Variants in TENM3 observed in about 807,000 individuals in gnomAD.
The protein encoded by TENM3 is teneurin-3.
A neutral mutation model predicts 255.1 loss-of-function variants in TENM3; 63 were observed. The ratio of observed to expected loss-of-function variants is 0.25; its 90% CI spans 0.20 to 0.30. TENM3 has a LOEUF of 0.30. Among genes scored for constraint, TENM3 ranks in the 10% least tolerant of loss-of-function variants. TENM3 has a pLI of 1.00. For missense variants in TENM3, 2,929 were observed against 3,461.1 expected, an observed-to-expected ratio of 0.85 and a Z score of 3.86; for synonymous variants, 1,306 against 1,322.3, an observed-to-expected ratio of 0.99 and a Z score of 0.27.
chr4:182,464,213 A>G (rs965459564), intron 3 of TENM3, among the ~76,000 whole-genome samples: 1 of 144,372 alleles, frequency 6.9e-6, no homozygotes, highest in Non-Finnish European at 1.5e-5. Flanking sequence ...GAGTCAAAGA[A>G]GTCGATATTA....
chr4:181,564,175 G>A, the TENM3 span, among the ~76,000 whole-genome samples: 2 of 151,408 alleles, frequency 1.3e-5, no homozygotes, highest in Admixed American at 6.6e-5. Flanking sequence ...CAAGTAGCTG[G>A]GACAAACACC....
the TENM3 span, among the ~76,000 whole-genome samples, chr4:181,667,497 G>A: frequency 6.6e-6 from 1 of 152,118 alleles, no homozygotes; most frequent in Non-Finnish European, 1.5e-5. Flanking sequence ...TTAAAAAGTG[G>A]TTTGGCCACA....
chr4:181,834,717 A>G, the TENM3 span: 2 of 152,250 alleles, frequency 1.3e-5, no homozygotes, highest in African/African-American at 4.8e-5. Flanking sequence ...GCACGTGTTT[A>G]TCCTTTTGAT....
At chr4:182,509,605 A>G (rs1258701237) in intron 3 of TENM3, among the ~76,000 whole-genome samples, 2 of 152,208 alleles carry the variant, frequency 1.3e-5, no homozygotes, top group African/African-American at 4.8e-5. Context: ...GCCGTGTCTA[A>G]GAACAAGAAG....
the TENM3 span, among the ~76,000 whole-genome samples, chr4:181,523,577 G>T: frequency 2.6e-5 from 4 of 152,068 alleles, no homozygotes; most frequent in African/African-American, 4.8e-5. Context: ...CAGAAAATGG[G>T]ATTGTACATT....
the TENM3 span, among the ~76,000 whole-genome samples, chr4:181,902,085 A>G: frequency 2.7e-4 from 40 of 149,100 alleles, no homozygotes; most frequent in African/African-American, 8.2e-4. Flanking sequence ...TATGTTCTCA[A>G]TAAAGAGGTA....
intron 1 of TENM3, among the ~76,000 whole-genome samples, chr4:182,233,220 G>A (rs927469898): frequency 1.3e-5 from 2 of 152,092 alleles, no homozygotes; most frequent in Non-Finnish European, 2.9e-5. Context: ...AGAAATTCCC[G>A]GATGCCTCCC....
intron 1 of TENM3, among the ~76,000 whole-genome samples, chr4:182,175,476 A>G (rs934370459): frequency 1.1e-4 from 16 of 152,128 alleles, no homozygotes; most frequent in African/African-American, 3.9e-4. Flanking sequence ...GTGCTTGTAC[A>G]GAAGTGCTAC....
intron 3 of TENM3, among the ~76,000 whole-genome samples, chr4:182,373,519 A>AG (rs1481412076): frequency 3.3e-5 from 5 of 152,142 alleles, no homozygotes. Context: ...AAGAGAAAGG[A>AG]GGAGGTACTG....
the TENM3 span, among the ~76,000 whole-genome samples, chr4:181,985,466 G>A: frequency 6.6e-6 from 1 of 152,034 alleles, no homozygotes. Context: ...TTATTCTCTT[G>A]GTTTTGTGAA....
rs567567862 is a variant in TENM3, at chr4:182,217,456, A to G, written c.-76+72702A>G. Reference sequence around the variant, plus strand: ...GCATGTTTCTGAGTGTTTCTAAAGAAAAATACTGAATGAACCCCTCGCCTA... The same window carrying G: ...GCATGTTTCTGAGTGTTTCTAAAGAGAAATACTGAATGAACCCCTCGCCTA... On this transcript the variant is annotated intron_variant, in intron 1 of 2. Coordinates refer to the TENM3 transcript ENST00000512480. Among the ~76,000 whole-genome samples the G allele has an allele frequency of 5.0e-3, 766 of 152,338 alleles. 6 individuals are homozygous for G. The highest frequency in any genetic ancestry group is 0.017 in the African/African-American group (721 of 41,574).
the TENM3 span, among the ~76,000 whole-genome samples, chr4:181,849,472 T>C: frequency 6.7e-4 from 102 of 152,270 alleles, no homozygotes; most frequent in Non-Finnish European, 8.8e-5. Flanking sequence ...AAGTTGTCTT[T>C]AAAAAAATCT....
chr4:182,292,912 AG>A, intron 1 of TENM3, among the ~76,000 whole-genome samples: 1 of 152,240 alleles, frequency 6.6e-6, no homozygotes, highest in Middle Eastern at 3.4e-3. Flanking sequence ...CTAGGGGGAG[AG>A]GTAGACACAG....
chr4:182,014,486 C>A, the TENM3 span, among the ~76,000 whole-genome samples: 1 of 152,042 alleles, frequency 6.6e-6, no homozygotes, highest in Admixed American at 6.5e-5. Flanking sequence ...GAAGTGAGCG[C>A]ATTTCCTCTA....
the TENM3 span, among the ~76,000 whole-genome samples, chr4:181,796,198 A>G: frequency 6.6e-6 from 1 of 152,280 alleles, no homozygotes; most frequent in Non-Finnish European, 1.5e-5. Context: ...ATTGTCACCT[A>G]TGTTCCTTAT....
At chr4:181,999,155 G>A in the TENM3 span, among the ~76,000 whole-genome samples, 4 of 152,000 alleles carry the variant, frequency 2.6e-5, no homozygotes, top group African/African-American at 7.2e-5. Context: ...CAGCAACCTT[G>A]TCTCTCATCC....
the TENM3 span, among the ~76,000 whole-genome samples, chr4:181,688,843 G>C: frequency 2.0e-4 from 30 of 152,250 alleles, no homozygotes; most frequent in African/African-American, 5.5e-4. Flanking sequence ...AGCTTTGTGA[G>C]GAAAAGAAAA....
At chr4:181,786,586 C>A in the TENM3 span, among the ~76,000 whole-genome samples, 1 of 151,908 alleles carries the variant, frequency 6.6e-6, no homozygotes, top group Non-Finnish European at 1.5e-5. Flanking sequence ...AGAACAGAGG[C>A]AAAGTCTGTG....
the TENM3 span, among the ~76,000 whole-genome samples, chr4:181,743,446 C>T: frequency 3.3e-5 from 5 of 152,208 alleles, no homozygotes; most frequent in African/African-American, 1.2e-4. Context: ...CATGGAAGTG[C>T]TTTTATAAAT....
Sources: gnomAD v4.1 joint callset for allele counts (sites outside exome capture counted in the v4.1 genomes callset) on GRCh38, gnomAD v4.1.1 for gene constraint, MANE v1.5 for transcripts, NCBI Gene and HGNC (gene_info 2026-07-23, HGNC 2026-07-21) for gene names.